The following PLEKHM2 variants were observed in gnomAD, a reference collection of about 807,000 sequenced individuals.
PLEKHM2 encodes the protein pleckstrin homology domain-containing family M member 2.
PLEKHM2 carries 77 observed loss-of-function variants against 116.3 expected under a neutral mutation model. The ratio of observed to expected loss-of-function variants is 0.66; its 90% CI spans 0.55 to 0.80. The LOEUF is 0.80. PLEKHM2 is among the 30% of genes least tolerant of loss of function. The pLI is 0.00. For missense variants in PLEKHM2, 1,183 were observed against 1,354.9 expected (o/e 0.87, Z 1.99); for synonymous variants, 562 against 571.0 (o/e 0.98, Z 0.22).
At chr1:15,710,975 G>GACC (rs1443812685) in intron 1 of PLEKHM2, among the ~76,000 whole-genome samples, 1 of 151,984 alleles carries the variant, frequency 6.6e-6, no homozygotes, top group Non-Finnish European at 1.5e-5. Context: ...TGGAGTTTGA[G>GACC]ACCAGCCTGG....
At chr1:15,720,129 T>TATATAA (rs1491092171) in intron 6 of PLEKHM2, among the ~76,000 whole-genome samples, 1,201 of 71,920 alleles carry the variant, frequency 0.017, 15 homozygotes, top group African/African-American at 0.088. Flanking sequence ...AAGCTGAAAT[T>TATATAA]ATATATATAT....
At chr1:15,709,865 T>A (rs1641296172) in intron 1 of PLEKHM2, among the ~76,000 whole-genome samples, 1 of 152,164 alleles carries the variant, frequency 6.6e-6, no homozygotes, top group Non-Finnish European at 1.5e-5. Flanking sequence ...AGACTCCATG[T>A]TCCTGGATAG....
intron 1 of PLEKHM2, among the ~76,000 whole-genome samples, chr1:15,699,018 G>A (rs1418778077): frequency 6.6e-6 from 1 of 152,060 alleles, no homozygotes; most frequent in East Asian, 1.9e-4. Context: ...AACCTCAGGT[G>A]AAGGATTTTA....
intron 1 of PLEKHM2, among the ~76,000 whole-genome samples, chr1:15,699,977 T>A (rs1049284989): frequency 6.8e-6 from 1 of 147,886 alleles, no homozygotes; most frequent in Non-Finnish European, 1.5e-5. Flanking sequence ...GGCAACATAG[T>A]GAGCCCCCAT....
intron 1 of PLEKHM2, among the ~76,000 whole-genome samples, chr1:15,685,849 C>T (rs745609611): frequency 3.9e-5 from 6 of 152,278 alleles, no homozygotes; most frequent in Middle Eastern, 3.4e-3. Flanking sequence ...AAGAGTTTTA[C>T]GTAGTTTTAC....
At position 15,684,545 on chromosome 1, in the gene PLEKHM2, A is replaced by ACGGTGG. The variant is rs1039628612; in HGVS notation, c.-12_-7dup. Reference sequence around the variant, plus strand: ...GGCGGTGGCGGTGGCGGTGGCGGCGACGGTGGCAGCGCCATGGAGCCGGGG... The same window carrying ACGGTGG: ...GGCGGTGGCGGTGGCGGTGGCGGCGACGGTGGCGGTGGCAGCGCCATGGAGCCGGGG... On this transcript the variant is annotated 5_prime_UTR_variant, in exon 1 of 20. Coordinates refer to ENST00000375799, the MANE Select transcript of PLEKHM2 (RefSeq NM_015164.4). 1 of 1,209,496 alleles carries ACGGTGG rather than the reference A, an allele frequency of 8.3e-7. No homozygotes were observed. Among genetic ancestry groups the ACGGTGG allele is most frequent in the Admixed American group, 3.7e-5 (1 of 27,244 alleles). The allele number at this position is 1,209,496 out of a possible 1,614,324, so 74.9% of individuals were successfully genotyped here.
intron 7 of PLEKHM2, chr1:15,723,210 G>A (rs1291853284): frequency 6.6e-6 from 1 of 152,038 alleles, no homozygotes; most frequent in East Asian, 1.9e-4. Flanking sequence ...CACCTCTCAG[G>A]GCTCCTCTTG....
At chr1:15,694,733 C>T (rs1006066363) in intron 1 of PLEKHM2, among the ~76,000 whole-genome samples, 2 of 151,832 alleles carry the variant, frequency 1.3e-5, no homozygotes, top group African/African-American at 2.4e-5. Flanking sequence ...AGATATTCTC[C>T]TCCATGCTGT....
In PLEKHM2 at chr1:15,727,238, C is replaced by G; in HGVS notation, c.1166C>G (p.Ser389Cys). The stretch of plus-strand genomic sequence containing the variant: ...AGCACCACGGAGAGCAGCGAGCGCT[C>G]CGAGCCGGGCCTGCTGATCCCTGAG... Reference protein sequence around the residue: ...PSSTTESSERSEPGLLIPEMK... With the variant: ...PSSTTESSERCEPGLLIPEMK... The change falls in exon 9 of 20, where the codon TCC (serine) becomes TGC (cysteine). Residue 389 changes from serine to cysteine, a missense_variant. By Grantham distance (112) the Ser-to-Cys change is moderately radical. Transcript: ENST00000375799. This position sits in a 1 kb window ranked among gnomAD's most constrained non-coding sequence, Gnocchi z 7.5. 1 of 1,603,070 alleles carries G rather than the reference C, an allele frequency of 6.2e-7. No homozygotes were observed. The highest frequency in any genetic ancestry group is 8.5e-7 in the Non-Finnish European group (1 of 1,176,040).
chr1:15,729,716 C>CCAG lies in PLEKHM2; in HGVS notation c.2076-76_2076-74dup, dbSNP rs1213863752. ...CCCAAGTTTCTGTGACCCCTCCAGG[C>CCAG]CAGCAGCGCTCAAGACTAAGCCCTG... On this transcript the variant is annotated intron_variant, in intron 13 of 19. Transcript: ENST00000375799. This position sits in a 1 kb window ranked among gnomAD's most constrained non-coding sequence, Gnocchi z 4.7. 89 of 1,317,018 alleles carry CCAG rather than the reference C, an allele frequency of 6.8e-5. No individual in the cohort carries two copies. The highest frequency in any genetic ancestry group is 8.9e-5 in the Non-Finnish European group (85 of 955,340). The allele number at this position is 1,317,018 out of a possible 1,614,324, so 81.6% of individuals were successfully genotyped here.
At chr1:15,682,437 C>T (rs1640664417), upstream of PLEKHM2, among the ~76,000 whole-genome samples, 1 of 139,178 alleles carries the variant, frequency 7.2e-6, no homozygotes, top group African/African-American at 2.6e-5. Flanking sequence ...GGTGACAGAG[C>T]GAGACTCCGC....
At chr1:15,682,651 AC>A (rs1224803170), upstream of PLEKHM2, among the ~76,000 whole-genome samples, 1,620 of 76,448 alleles carry the variant, frequency 0.021, 52 homozygotes, top group African/African-American at 0.13. Context: ...AACAAAAAAA[AC>A]AAAAAACAAA....
At chr1:15,710,143 C>T (rs556585623) in intron 1 of PLEKHM2, among the ~76,000 whole-genome samples, 1 of 148,288 alleles carries the variant, frequency 6.7e-6, no homozygotes, top group Admixed American at 6.8e-5. Flanking sequence ...AGGAGAATGG[C>T]GTAAACCTGG....
upstream of PLEKHM2, among the ~76,000 whole-genome samples, chr1:15,681,932 T>C (rs1395583252): frequency 1.3e-5 from 2 of 152,184 alleles, no homozygotes; most frequent in African/African-American, 4.8e-5. Context: ...GGGCTGGACA[T>C]GATGGCTCAT....
At chr1:15,696,279 A>AT (rs1353472177) in intron 1 of PLEKHM2, among the ~76,000 whole-genome samples, 1 of 152,196 alleles carries the variant, frequency 6.6e-6, no homozygotes, top group African/African-American at 2.4e-5. Context: ...GAAGTAACAG[A>AT]TAACACGTCC....
rs1413454297 is a variant in PLEKHM2 at position 15,730,596 on chromosome 1, T to C, written c.2273T>C (p.Leu758Pro). 1 of 1,606,196 alleles carries C rather than the reference T, an allele frequency of 6.2e-7. No individual in the cohort carries two copies. The stretch of plus-strand genomic sequence containing the variant: ...TGGGAGGACCCCACAGACGAGTCCC[T>C]GGGCCCCACGCCCTGCCACTGCTCA... ...VHWEDPTDES[L>P]GPTPCHCSPP... The change falls in exon 15 of 20, where the codon CTG becomes CCG. Residue 758 changes from leucine (L) to proline (P), a missense_variant. This residue lies in a region of PLEKHM2 where 594 missense variants were observed against 720.1 expected (regional missense o/e 0.82). Transcript: ENST00000375799.
chr1:15,728,639 G>A lies in PLEKHM2; in HGVS notation c.1922-30G>A, dbSNP rs1182845332. 1.3e-6 allele frequency: 2 copies of A among 1,579,710 alleles called. No individual in the cohort carries two copies. The highest frequency in any genetic ancestry group is 1.7e-4 in the Middle Eastern group (1 of 5,914). ...GGGGGAGGGAAAAGAGGCCTGTGGG[G>A]ATAATAGGCCTTGGGGTTTCCTCTC... On this transcript the variant is annotated intron_variant, in intron 11 of 19. Transcript: ENST00000375799. The surrounding 1 kb of genome is among the most constrained non-coding windows in gnomAD (Gnocchi z 5.9).
In PLEKHM2 at chr1:15,728,081, T is replaced by C; in HGVS notation, c.1763T>C (p.Val588Ala). The C allele has an allele frequency of 6.2e-7, 1 of 1,609,476 alleles. No individual in the cohort carries two copies. Among genetic ancestry groups the C allele is most frequent in the Non-Finnish European group, 8.5e-7 (1 of 1,177,834 alleles). The stretch of plus-strand genomic sequence containing the variant: ...CCCTCCTGACTTGGCCCTCACAGAG[T>C]AGACAACAATCACCTGCTCCTGCTC... ...SEMVHSSEFRVDNNHLLLLMI... is the reference protein window; with the variant it reads ...SEMVHSSEFRADNNHLLLLMI... The change falls in exon 10 of 20, where the codon GTA becomes GCA. Residue 588 changes from valine to alanine, a missense_variant and splice_region_variant. This residue lies in a region of PLEKHM2 where 594 missense variants were observed against 720.1 expected (regional missense o/e 0.82). Transcript: ENST00000375799. This position sits in a 1 kb window ranked among gnomAD's most constrained non-coding sequence, Gnocchi z 5.9.
Position 15,728,926 on chromosome 1 carries a change from T to G in PLEKHM2, c.1987-176T>G, listed in dbSNP as rs996557015. Among the ~76,000 whole-genome samples, 7 of 152,224 alleles carry G rather than the reference T, an allele frequency of 4.6e-5. No individual in the cohort carries two copies. The highest frequency in any genetic ancestry group is 1.7e-4 in the African/African-American group (7 of 41,464). On this transcript the variant is annotated intron_variant, in intron 12 of 19. Transcript: ENST00000375799. The surrounding 1 kb of genome is among the most constrained non-coding windows in gnomAD (Gnocchi z 5.9). ...AGCTTGAGGTTGCCTCTTCCCGTGCTAGACTTCTGACCGTCCCTCCCTCAC... is the reference window on the plus strand; with the variant it reads ...AGCTTGAGGTTGCCTCTTCCCGTGCGAGACTTCTGACCGTCCCTCCCTCAC...
Sources: gnomAD v4.1 joint callset for allele counts (sites outside exome capture counted in the v4.1 genomes callset) on GRCh38, gnomAD v4.1.1 for gene constraint, gnomAD v4.1.1 regional missense constraint, Gnocchi (gnomAD v3.1) non-coding constraint, MANE v1.5 for transcripts, NCBI Gene and HGNC (gene_info 2026-07-23, HGNC 2026-07-21) for gene names.